The following SPATA1 variants were observed in gnomAD, a reference collection of about 807,000 sequenced individuals.
The protein encoded by SPATA1 is spermatogenesis associated 1.
SPATA1 carries 57 observed loss-of-function variants against 59.6 expected under a neutral mutation model. That is an observed-to-expected ratio of 0.96 (90% CI 0.77 to 1.19). SPATA1 has a LOEUF of 1.19. Among genes scored for constraint, SPATA1 ranks in the 50% most tolerant of loss-of-function variants. The pLI is 0.00. For missense variants in SPATA1, 448 were observed against 480.7 expected, an observed-to-expected ratio of 0.93 and a Z score of 0.64; for synonymous variants, 147 against 163.9, an observed-to-expected ratio of 0.90 and a Z score of 0.79.
intron 1 of SPATA1, among the ~76,000 whole-genome samples, chr1:84,509,676 G>A (rs1401056252): frequency 6.6e-6 from 1 of 152,226 alleles, no homozygotes; most frequent in Non-Finnish European, 1.5e-5. Flanking sequence ...TGAGGCAGGA[G>A]AATCACTTGA....
chr1:84,508,794 A>T (rs1435019473), intron 1 of SPATA1, among the ~76,000 whole-genome samples: 2 of 152,230 alleles, frequency 1.3e-5, no homozygotes, highest in African/African-American at 2.4e-5. Context: ...ATGGCTAAGG[A>T]AATTGAAGTT....
At chr1:84,530,700 G>C (rs748223333) in intron 6 of SPATA1, among the ~76,000 whole-genome samples, 26 of 152,168 alleles carry the variant, frequency 1.7e-4, no homozygotes, top group Non-Finnish European at 3.2e-4. Flanking sequence ...TTAGAGATAA[G>C]GAAAGAGAAG....
rs1486268870 is a variant in SPATA1, at chr1:84,534,094, A to G, written c.717+328A>G. ...AATATACTAATACCTGTACTTGATT[A>G]ACTTGTCTCTTTAGAACAGAATTAT... On this transcript the variant is annotated intron_variant, in intron 8 of 12. Coordinates refer to ENST00000490879, the Ensembl canonical transcript of SPATA1. 1.3e-5 allele frequency among the ~76,000 whole-genome samples: 2 copies of G among 152,064 alleles called. 1 individual carries two copies. The highest frequency in any genetic ancestry group is 3.8e-4 in the East Asian group (2 of 5,202).
chr1:84,548,695 G>A, intron 10 of SPATA1, 91 bp from the exon 11 acceptor site: 1 of 1,323,220 alleles, frequency 7.6e-7, no homozygotes, highest in East Asian at 2.9e-5. Flanking sequence ...ATTAGCTCTA[G>A]GATCCTTTCC....
At chr1:84,531,151 G>T (rs1354310684) in intron 6 of SPATA1, among the ~76,000 whole-genome samples, 2 of 151,894 alleles carry the variant, frequency 1.3e-5, no homozygotes, top group Non-Finnish European at 2.9e-5. Flanking sequence ...TAGACAATCT[G>T]TTTTTTTGTT....
intron 3 of SPATA1, 48 bp from the exon 4 acceptor site, chr1:84,522,342 C>T: frequency 8.8e-7 from 1 of 1,140,314 alleles, no homozygotes; most frequent in Non-Finnish European, 1.2e-6. Flanking sequence ...TTAGTATATC[C>T]AAAATCTATT....
chr1:84,563,430 A>G, intron 4 of SPATA1: 1 of 1,480,918 alleles, frequency 6.8e-7, no homozygotes, highest in Middle Eastern at 1.9e-4. Flanking sequence ...TAGAAATGCA[A>G]AAGTGCTCAT....
At chr1:84,530,420 T>C (rs564555235) in intron 6 of SPATA1, among the ~76,000 whole-genome samples, 1 of 152,206 alleles carries the variant, frequency 6.6e-6, no homozygotes, top group Non-Finnish European at 1.5e-5. Flanking sequence ...AGAAGTACTA[T>C]GAACTGGTAC....
chr1:84,510,019 C>T (rs888570202), intron 1 of SPATA1, among the ~76,000 whole-genome samples: 5 of 152,086 alleles, frequency 3.3e-5, no homozygotes, highest in African/African-American at 1.2e-4. Flanking sequence ...AAAGTCAAAA[C>T]CCCATCTTGA....
At chr1:84,558,383 G>A (rs907733974), downstream of SPATA1, among the ~76,000 whole-genome samples, 3 of 150,106 alleles carry the variant, frequency 2.0e-5, no homozygotes, top group Non-Finnish European at 3.0e-5. Flanking sequence ...TCCGCCTCCC[G>A]GGTTCACGCC....
At chr1:84,563,816 G>A (rs1355309961) in intron 4 of SPATA1, 4 of 1,606,546 alleles carry the variant, frequency 2.5e-6, no homozygotes, top group Non-Finnish European at 3.4e-6. Flanking sequence ...TGCTCATCTT[G>A]ATGTAGTCAT....
chr1:84,565,181 G>A (rs1163171946), intron 4 of SPATA1, among the ~76,000 whole-genome samples: 1 of 151,866 alleles, frequency 6.6e-6, no homozygotes, highest in Non-Finnish European at 1.5e-5. Flanking sequence ...CCTGGGTGAT[G>A]GAGTGAGACC....
intron 8 of SPATA1, among the ~76,000 whole-genome samples, chr1:84,536,053 G>T (rs1196030922): frequency 6.6e-6 from 1 of 152,216 alleles, no homozygotes; most frequent in African/African-American, 2.4e-5. Context: ...ATTTGGTACA[G>T]AAAGTGTGAC....
chr1:84,518,771 C>T (rs935937470), intron 2 of SPATA1, among the ~76,000 whole-genome samples: 4 of 151,804 alleles, frequency 2.6e-5, no homozygotes, highest in Non-Finnish European at 5.9e-5. Context: ...CTTCTTTTCC[C>T]TTAGGTCTTT....
intron 8 of SPATA1, among the ~76,000 whole-genome samples, chr1:84,540,061 A>G (rs1042197294): frequency 6.6e-6 from 1 of 152,102 alleles, no homozygotes; most frequent in African/African-American, 2.4e-5. Context: ...TTTATTTGAT[A>G]TATTCCCATT....
chr1:84,513,242 T>C (rs955525816), intron 1 of SPATA1, among the ~76,000 whole-genome samples: 2 of 152,216 alleles, frequency 1.3e-5, no homozygotes, highest in Non-Finnish European at 1.5e-5. Flanking sequence ...TTCAGGCAAT[T>C]CTTCTGCCTC....
intron 11 of SPATA1, 37 bp downstream of exon 11, chr1:84,549,001 T>G: frequency 6.7e-7 from 1 of 1,503,036 alleles, no homozygotes. Context: ...TTAGAGAAGT[T>G]CTGTTCAAAA....
chr1:84,554,866 T>A (rs1217024121), downstream of SPATA1: 2 of 714,556 alleles, frequency 2.8e-6, no homozygotes, highest in African/African-American at 3.6e-5. Context: ...ATTCAAACAA[T>A]CAAAACATTT....
intron 1 of SPATA1, among the ~76,000 whole-genome samples, chr1:84,509,375 A>T (rs1027363166): frequency 6.6e-6 from 1 of 152,244 alleles, no homozygotes; most frequent in Non-Finnish European, 1.5e-5. Context: ...GTATTAGAAG[A>T]ATGAAGCTAG....
Sources: allele counts gnomAD v4.1 joint callset (sites outside exome capture counted in the v4.1 genomes callset), GRCh38; gene constraint gnomAD v4.1.1; transcripts MANE v1.5; gene names NCBI Gene and HGNC (gene_info 2026-07-23, HGNC 2026-07-21).